Variants in PALLD observed in about 807,000 individuals in gnomAD.
The protein encoded by PALLD is palladin, cytoskeletal associated protein, also known as palladin.
A neutral mutation model predicts 123.5 loss-of-function variants in PALLD; 61 were observed. The ratio of observed to expected loss-of-function variants is 0.49; its 90% CI spans 0.40 to 0.61. The LOEUF (loss-of-function observed/expected upper bound fraction) is 0.61, where lower values mean the gene tolerates loss of function less well. Among genes scored for constraint, PALLD ranks in the 20% least tolerant of loss-of-function variants. The pLI is 0.00. For missense variants in PALLD, 1,273 were observed against 1,377.0 expected (o/e 0.92, Z 1.20); for synonymous variants, 465 against 496.4 (o/e 0.94, Z 0.84).
At chr4:168,672,889 A>G (rs148314155) in intron 3 of PALLD, among the ~76,000 whole-genome samples, 1 of 152,318 alleles carries the variant, frequency 6.6e-6, no homozygotes, top group Non-Finnish European at 1.5e-5. Context: ...GATCACACAT[A>G]TACACACAGC....
chr4:168,601,241 C>T (rs572930651), intron 2 of PALLD, among the ~76,000 whole-genome samples: 4 of 151,928 alleles, frequency 2.6e-5, no homozygotes, highest in South Asian at 2.1e-4. Context: ...TCTCACATCC[C>T]GGGAGACTGA....
intron 10 of PALLD, among the ~76,000 whole-genome samples, chr4:168,734,057 A>G (rs907007402): frequency 6.6e-6 from 1 of 152,112 alleles, no homozygotes; most frequent in African/African-American, 2.4e-5. Context: ...TTAAGTAGTA[A>G]CATGATTGTT....
chr4:168,843,102 G>C (rs1053804052), intron 10 of PALLD, among the ~76,000 whole-genome samples: 2 of 152,168 alleles, frequency 1.3e-5, no homozygotes, highest in Admixed American at 1.3e-4. Context: ...TTGCCAGAAA[G>C]GAATTCTAAA....
Position 168,511,540 on chromosome 4 carries a change from C to G in PALLD, c.36C>G (p.Asp12Glu). ...SGTSSHESFY[D>E]SLSDMQEESK... ...CCTCCTCCCATGAGTCCTTCTATGA[C>G]TCCCTCTCAGACATGCAGGAAGAAA... is the stretch of plus-strand genomic sequence containing the variant. Residue 12 changes from aspartate to glutamate, a missense_variant, in exon 2 of 22, where the codon GAC becomes GAG. By Grantham distance (45) the Asp-to-Glu change is conservative. Transcript: ENST00000505667. 1 of 1,614,018 alleles carries G rather than the reference C, an allele frequency of 6.2e-7. No homozygotes were observed. Among genetic ancestry groups the G allele is most frequent in the Non-Finnish European group, 8.5e-7 (1 of 1,179,888 alleles).
At chr4:168,759,100 A>G (rs1451382496) in intron 10 of PALLD, among the ~76,000 whole-genome samples, 1 of 144,130 alleles carries the variant, frequency 6.9e-6, no homozygotes. Flanking sequence ...GATCACTTGA[A>G]CCCGGGAGGC....
chr4:168,600,031 A>G (rs942075748), intron 2 of PALLD, among the ~76,000 whole-genome samples: 1 of 121,842 alleles, frequency 8.2e-6, no homozygotes, highest in African/African-American at 3.2e-5. Context: ...GTACACACAC[A>G]TACATACATG....
intron 10 of PALLD, chr4:168,831,978 T>G: frequency 1.0e-6 from 1 of 985,048 alleles, no homozygotes; most frequent in Middle Eastern, 5.2e-4. Flanking sequence ...ACGCCTCCTC[T>G]CTCCCGCCCG....
chr4:168,563,117 G>A (rs1232540208), intron 2 of PALLD, among the ~76,000 whole-genome samples: 1 of 152,186 alleles, frequency 6.6e-6, no homozygotes, highest in Non-Finnish European at 1.5e-5. Context: ...TAGTGGATCT[G>A]TTAGCTGAAA....
At chr4:168,537,965 C>T (rs745569938) in intron 2 of PALLD, among the ~76,000 whole-genome samples, 1 of 152,214 alleles carries the variant, frequency 6.6e-6, no homozygotes, top group Non-Finnish European at 1.5e-5. Flanking sequence ...TGAATTCTAT[C>T]CCCCTTCAGG....
chr4:168,601,082 G>A (rs557728774), intron 2 of PALLD, among the ~76,000 whole-genome samples: 10 of 147,260 alleles, frequency 6.8e-5, no homozygotes, highest in Admixed American at 2.0e-4. Flanking sequence ...CTGCAAGTTT[G>A]GATTTGCCTT....
intron 10 of PALLD, among the ~76,000 whole-genome samples, chr4:168,880,055 C>T (rs997941565): frequency 6.6e-6 from 1 of 152,164 alleles, no homozygotes; most frequent in Non-Finnish European, 1.5e-5. Flanking sequence ...TAATATTTCT[C>T]TTATAGAATT....
intron 2 of PALLD, among the ~76,000 whole-genome samples, chr4:168,623,997 A>T (rs2149804053): frequency 6.6e-6 from 1 of 152,336 alleles, no homozygotes; most frequent in Non-Finnish European, 1.5e-5. Context: ...AAATATCTCC[A>T]TATTATCTAA....
chr4:168,721,491 T>C (rs539788587), intron 10 of PALLD, among the ~76,000 whole-genome samples: 1 of 152,208 alleles, frequency 6.6e-6, no homozygotes, highest in Non-Finnish European at 1.5e-5. Context: ...CTAAAATGTA[T>C]ATTATATATT....
At chr4:168,694,451 T>C (rs1261877665) in intron 8 of PALLD, among the ~76,000 whole-genome samples, 1 of 152,100 alleles carries the variant, frequency 6.6e-6, no homozygotes, top group African/African-American at 2.4e-5. Context: ...TCTGTCTCTT[T>C]CTCTCCCCTC....
intron 10 of PALLD, among the ~76,000 whole-genome samples, chr4:168,880,423 C>A (rs973920024): frequency 1.3e-5 from 2 of 152,182 alleles, no homozygotes; most frequent in African/African-American, 4.8e-5. Context: ...AGCTCCATGC[C>A]TGCTCAGTAA....
At chr4:168,535,643 A>T (rs987831590) in intron 2 of PALLD, among the ~76,000 whole-genome samples, 3 of 152,220 alleles carry the variant, frequency 2.0e-5, no homozygotes, top group Non-Finnish European at 4.4e-5. Flanking sequence ...ATGGAAAGTG[A>T]TTGTGGCATT....
At chr4:168,736,391 G>C (rs1032791154) in intron 10 of PALLD, among the ~76,000 whole-genome samples, 1 of 152,166 alleles carries the variant, frequency 6.6e-6, no homozygotes, top group African/African-American at 2.4e-5. Flanking sequence ...TTCATGATTA[G>C]AAGATAGCTG....
At chr4:168,880,139 G>A (rs1253672217) in intron 10 of PALLD, among the ~76,000 whole-genome samples, 1 of 152,222 alleles carries the variant, frequency 6.6e-6, no homozygotes, top group Non-Finnish European at 1.5e-5. Context: ...AGCAGTTTGT[G>A]CTGATCAGTG....
intron 10 of PALLD, among the ~76,000 whole-genome samples, chr4:168,786,831 A>G (rs116031965): frequency 0.014 from 2,093 of 152,356 alleles, 49 homozygotes; most frequent in African/African-American, 0.048. Flanking sequence ...GTTATTAATT[A>G]AAATTGTTAT....
Sources: allele counts gnomAD v4.1 joint callset (sites outside exome capture counted in the v4.1 genomes callset), GRCh38; gene constraint gnomAD v4.1.1; transcripts MANE v1.5; gene names NCBI Gene and HGNC (gene_info 2026-07-23, HGNC 2026-07-21).